The following TAFA5 variants were observed in gnomAD, a reference collection of about 807,000 sequenced individuals.
The protein encoded by TAFA5 is TAFA chemokine like family member 5, also known as chemokine-like protein TAFA-5.
TAFA5 carries 6 observed loss-of-function variants against 15.3 expected under a neutral mutation model. The observed-to-expected ratio is 0.39, with a 90% CI of 0.21 to 0.77. The LOEUF is 0.77. Among genes scored for constraint, TAFA5 ranks in the 30% least tolerant of loss-of-function variants. TAFA5 has a pLI of 0.41. For missense variants in TAFA5, 161 were observed against 193.1 expected, an observed-to-expected ratio of 0.83 and a Z score of 0.98; for synonymous variants, 103 against 80.7, an observed-to-expected ratio of 1.28 and a Z score of -1.48.
chr22:48,715,488 G>A (rs536288096), intron 3 of TAFA5, among the ~76,000 whole-genome samples: 11 of 152,318 alleles, frequency 7.2e-5, no homozygotes, highest in East Asian at 5.8e-4. Context: ...GGGCAGGGAG[G>A]TGAGGAGGCC....
At chr22:48,559,728 G>C (rs1369911652) in intron 1 of TAFA5, among the ~76,000 whole-genome samples, 1 of 152,170 alleles carries the variant, frequency 6.6e-6, no homozygotes, top group Non-Finnish European at 1.5e-5. Flanking sequence ...GTGGGATGAG[G>C]GCACAGCCCG....
intron 2 of TAFA5, among the ~76,000 whole-genome samples, chr22:48,698,900 G>A (rs1271803343): frequency 2.7e-5 from 4 of 149,432 alleles, no homozygotes; most frequent in African/African-American, 7.4e-5. Context: ...CCAGCCCAGA[G>A]CCCTGTTCCT....
chr22:48,673,851 G>T (rs927286139), intron 2 of TAFA5, among the ~76,000 whole-genome samples: 1 of 152,116 alleles, frequency 6.6e-6, no homozygotes, highest in Non-Finnish European at 1.5e-5. Context: ...GTTCTTTACA[G>T]GCCCTTCCCC....
chr22:48,617,038 G>T (rs544857098), intron 1 of TAFA5, among the ~76,000 whole-genome samples: 1 of 152,346 alleles, frequency 6.6e-6, no homozygotes, highest in South Asian at 2.1e-4. Flanking sequence ...CTCGGGGGAT[G>T]CCCTGTGCAG....
intron 3 of TAFA5, among the ~76,000 whole-genome samples, chr22:48,717,334 C>G (rs1929431527): frequency 6.6e-6 from 1 of 152,220 alleles, no homozygotes; most frequent in South Asian, 2.1e-4. Context: ...GAAGAACAGG[C>G]TCCAGCCCTG....
At chr22:48,678,229 TG>T (rs1164775611) in intron 2 of TAFA5, among the ~76,000 whole-genome samples, 20 of 152,174 alleles carry the variant, frequency 1.3e-4, no homozygotes, top group Non-Finnish European at 1.5e-5. Flanking sequence ...TCCCTTAAGC[TG>T]GGCTATAAGG....
At position 48,738,996 on chromosome 22, in the gene TAFA5, G is replaced by A. The variant is rs544979889; in HGVS notation, c.391-10843G>A. Among the ~76,000 whole-genome samples, 5 of 152,278 alleles carry A rather than the reference G, an allele frequency of 3.3e-5. No individual in the cohort carries two copies. The East Asian group carries it at 7.7e-4, about 24-fold the overall frequency. ...GCATCTCACCTGGATCCTGGTATTC[G>A]TGATTCAAAACAATGAACCTTAATG... On this transcript the variant is annotated intron_variant, in intron 3 of 3. Transcript: ENST00000402357.
At chr22:48,708,301 G>A (rs1231297694) in intron 3 of TAFA5, among the ~76,000 whole-genome samples, 2 of 152,076 alleles carry the variant, frequency 1.3e-5, no homozygotes, top group Non-Finnish European at 2.9e-5. Flanking sequence ...TGCTCCTTCC[G>A]TCCCTGGGCC....
chr22:48,715,903 C>T (rs1298523236), intron 3 of TAFA5, among the ~76,000 whole-genome samples: 1 of 152,200 alleles, frequency 6.6e-6, no homozygotes. Flanking sequence ...AGTCTTTAAT[C>T]CGTCTTGAGT....
intron 1 of TAFA5, among the ~76,000 whole-genome samples, chr22:48,563,075 G>A (rs967457679): frequency 2.0e-4 from 30 of 152,266 alleles, no homozygotes; most frequent in African/African-American, 4.1e-4. Flanking sequence ...CAAGAGCCTC[G>A]GCCCTTGACC....
chr22:48,639,114 G>A (rs535588443), intron 1 of TAFA5, among the ~76,000 whole-genome samples: 1 of 152,312 alleles, frequency 6.6e-6, no homozygotes, highest in East Asian at 1.9e-4. Flanking sequence ...ACAGGCTGAG[G>A]ACACCCCATT....
chr22:48,513,608 T>C (rs1921302210), intron 1 of TAFA5, among the ~76,000 whole-genome samples: 1 of 152,232 alleles, frequency 6.6e-6, no homozygotes, highest in South Asian at 2.1e-4. Flanking sequence ...GAGACATGGC[T>C]AAGAGAAGCT....
intron 1 of TAFA5, among the ~76,000 whole-genome samples, chr22:48,579,320 G>T (rs1923944424): frequency 6.6e-6 from 1 of 152,238 alleles, no homozygotes; most frequent in African/African-American, 2.4e-5. Flanking sequence ...GCAGCGTGGG[G>T]TCCGGCACTG....
intron 1 of TAFA5, among the ~76,000 whole-genome samples, chr22:48,642,395 G>A (rs765676264): frequency 2.6e-5 from 4 of 152,176 alleles, no homozygotes; most frequent in Non-Finnish European, 4.4e-5. Flanking sequence ...GCCCTGGTGC[G>A]GCCTCCACAG....
chr22:48,515,627 G>T (rs1481570928), intron 1 of TAFA5, among the ~76,000 whole-genome samples: 1 of 152,116 alleles, frequency 6.6e-6, no homozygotes, highest in African/African-American at 2.4e-5. Context: ...CCTTCTAGTT[G>T]CCCAATTCCA....
At chr22:48,717,912 A>G (rs79315178) in intron 3 of TAFA5, among the ~76,000 whole-genome samples, 9,533 of 152,316 alleles carry the variant, frequency 0.063, 362 homozygotes, top group Admixed American at 0.095. Context: ...CCAGAAGTGA[A>G]TAAGGCCCCA....
At position 48,512,242 on chromosome 22, in the gene TAFA5, C is replaced by G. The variant is rs1224790008; in HGVS notation, c.112+22538C>G. On this transcript the variant is annotated intron_variant, in intron 1 of 3. Transcript: ENST00000402357. ...AGTGGGGCTGGCCCCTTCGCTGCCT[C>G]TCGCTGCGCGGCCACAGTGCAGAAA... Among the ~76,000 whole-genome samples the G allele has an allele frequency of 2.0e-5, 3 of 152,198 alleles. No individual in the cohort carries two copies. In the East Asian group the frequency reaches 5.8e-4, roughly 30 times the overall value.
At chr22:48,634,064 C>T (rs1926344838) in intron 1 of TAFA5, among the ~76,000 whole-genome samples, 1 of 152,178 alleles carries the variant, frequency 6.6e-6, no homozygotes, top group Non-Finnish European at 1.5e-5. Flanking sequence ...ACTCAGCAGG[C>T]GAGAAGTCAT....
At chr22:48,578,743 T>C (rs1923915836) in intron 1 of TAFA5, among the ~76,000 whole-genome samples, 1 of 152,204 alleles carries the variant, frequency 6.6e-6, no homozygotes, top group South Asian at 2.1e-4. Context: ...CTGCTGCCTG[T>C]CTGTCTGGAA....
Sources: gnomAD v4.1 joint callset for allele counts (sites outside exome capture counted in the v4.1 genomes callset) on GRCh38, gnomAD v4.1.1 for gene constraint, MANE v1.5 for transcripts, NCBI Gene and HGNC (gene_info 2026-07-23, HGNC 2026-07-21) for gene names.